The following RAB5C variants were observed in gnomAD, a reference collection of about 807,000 sequenced individuals.
The protein encoded by RAB5C is ras-related protein Rab-5C.
RAB5C carries 4 observed loss-of-function variants against 25.2 expected under a neutral mutation model. That is an observed-to-expected ratio of 0.16 (90% CI 0.08 to 0.36). RAB5C has a LOEUF of 0.36. Among genes scored for constraint, RAB5C ranks in the 10% least tolerant of loss-of-function variants. The probability of loss-of-function intolerance (pLI) is 1.00; values close to 1 mark genes in which losing one functional copy is unlikely to be tolerated. For synonymous variants in RAB5C, 100 were observed against 106.4 expected (o/e 0.94, Z 0.37); for missense variants, 199 against 283.8 (o/e 0.70, Z 2.15).
chr17:42,136,339 ACAG>A (rs2054536112), intron 1 of RAB5C: 1 of 152,252 alleles, frequency 6.6e-6, no homozygotes, highest in Admixed American at 6.5e-5. Flanking sequence ...GGACAGACTC[ACAG>A]CAGGACTATC....
At position 42,154,951 on chromosome 17, in the gene RAB5C, T is replaced by C. The variant is rs999852838; in HGVS notation, c.-147A>G. 1.3e-5 allele frequency: 2 copies of C among 152,252 alleles called. No individual in the cohort carries two copies. The highest frequency in any genetic ancestry group is 6.5e-5 in the Admixed American group (1 of 15,276). The allele number at this position is 152,252 out of a possible 1,614,324, so 9.4% of individuals were successfully genotyped here. On this transcript the variant is annotated 5_prime_UTR_variant, in exon 1 of 6. Transcript: ENST00000346213. The stretch of plus-strand genomic sequence containing the variant: ...GGGGCTCGGACGGGATCCGCTTCTC[T>C]CCCCGCCGGCGGTGTCCCAGGCTCC...
chr17:42,128,227 T>C, intron 4 of RAB5C, 34 bp downstream of exon 4: 2 of 1,604,946 alleles, frequency 1.2e-6, no homozygotes, highest in Non-Finnish European at 1.7e-6. Context: ...AGCTGCTTAC[T>C]CCACTCCTTC....
chr17:42,128,131 G>A (rs924766444), intron 4 of RAB5C, 130 bp downstream of exon 4: 46 of 1,341,422 alleles, frequency 3.4e-5, no homozygotes, highest in African/African-American at 1.0e-4. Context: ...CCTGAGGCAC[G>A]AGAGGACAGC....
rs371083614 is a variant in RAB5C at position 42,128,638 on chromosome 17, G to A, written c.318+11C>T. On this transcript the variant is annotated intron_variant, in intron 3 of 5. Transcript: ENST00000346213. ...TGAAGGGCAAAGGAAGAAGCAAGGG[G>A]AAATCTTTACTGTGTTGGTGATGTC... The A allele has an allele frequency of 7.5e-6, 11 of 1,462,488 alleles. No homozygotes were observed. The highest frequency in any genetic ancestry group is 9.0e-6 in the Non-Finnish European group (10 of 1,105,514). 90.6% of individuals were successfully genotyped at this position (1,462,488 alleles called of 1,614,324 possible). A position where few individuals can be genotyped will look rare whatever the true frequency, so the allele number is the denominator to read the frequency against.
At chr17:42,135,371 T>G (rs1483234780) in intron 1 of RAB5C, among the ~76,000 whole-genome samples, 2 of 151,950 alleles carry the variant, frequency 1.3e-5, no homozygotes, top group Non-Finnish European at 2.9e-5. Context: ...GATCCTTCTA[T>G]TTCAGCCTCC....
At chr17:42,134,011 G>C (rs1434010592) in intron 1 of RAB5C, among the ~76,000 whole-genome samples, 1 of 152,258 alleles carries the variant, frequency 6.6e-6, no homozygotes, top group African/African-American at 2.4e-5. Context: ...CTGTTGCCTA[G>C]TGGTTTGCCT....
intron 1 of RAB5C, among the ~76,000 whole-genome samples, chr17:42,144,540 G>T (rs1053443242): frequency 4.6e-5 from 7 of 152,038 alleles, no homozygotes; most frequent in Non-Finnish European, 8.8e-5. Context: ...TCAGCTGGGC[G>T]CGGTGGCTCA....
intron 1 of RAB5C, among the ~76,000 whole-genome samples, chr17:42,152,495 C>T (rs1325750431): frequency 6.6e-6 from 1 of 152,118 alleles, no homozygotes; most frequent in East Asian, 1.9e-4. Flanking sequence ...AAAGTCGTTT[C>T]AGGTTGGGTG....
At chr17:42,138,756 G>C (rs1434255760) in intron 1 of RAB5C, among the ~76,000 whole-genome samples, 1 of 152,198 alleles carries the variant, frequency 6.6e-6, no homozygotes, top group Non-Finnish European at 1.5e-5. Context: ...AGTGTGCAGA[G>C]GCATCAAGAG....
At chr17:42,131,455 A>G (rs116071197) in intron 1 of RAB5C, among the ~76,000 whole-genome samples, 1 of 151,310 alleles carries the variant, frequency 6.6e-6, no homozygotes, top group African/African-American at 2.4e-5. Flanking sequence ...CACACACACA[A>G]AAACACATGC....
chr17:42,131,601 A>G (rs1369745563), intron 1 of RAB5C: 1 of 1,533,520 alleles, frequency 6.5e-7, no homozygotes. Flanking sequence ...CTTTTTCAAT[A>G]GAGACCTCAG....
intron 1 of RAB5C, among the ~76,000 whole-genome samples, chr17:42,139,682 G>A (rs1014601214): frequency 2.6e-5 from 4 of 152,116 alleles, no homozygotes; most frequent in African/African-American, 9.7e-5. Context: ...GGATGGTCTC[G>A]ATTTCCTGAC....
At chr17:42,129,801 G>A (rs2054466717) in intron 2 of RAB5C, among the ~76,000 whole-genome samples, 1 of 152,250 alleles carries the variant, frequency 6.6e-6, no homozygotes, top group Non-Finnish European at 1.5e-5. Flanking sequence ...GTGTGTGTTA[G>A]CCACGGAGGC....
intron 1 of RAB5C, among the ~76,000 whole-genome samples, chr17:42,134,454 G>C (rs1304618798): frequency 2.6e-5 from 4 of 152,174 alleles, no homozygotes; most frequent in Non-Finnish European, 4.4e-5. Flanking sequence ...GTACACGCCT[G>C]TAATCCCAGC....
intron 1 of RAB5C, among the ~76,000 whole-genome samples, chr17:42,148,313 G>A (rs537156368): frequency 6.8e-6 from 1 of 148,100 alleles, no homozygotes; most frequent in Non-Finnish European, 1.5e-5. Flanking sequence ...GCTGAAGCAG[G>A]AGAATCACTT....
chr17:42,138,379 A>G (rs1229749310), intron 1 of RAB5C, among the ~76,000 whole-genome samples: 2 of 152,162 alleles, frequency 1.3e-5, no homozygotes, highest in Non-Finnish European at 2.9e-5. Context: ...CCGAATCCCA[A>G]TGGGGGGTGT....
intron 1 of RAB5C, among the ~76,000 whole-genome samples, chr17:42,139,378 G>T (rs989477723): frequency 6.6e-6 from 1 of 152,252 alleles, no homozygotes; most frequent in East Asian, 1.9e-4. Flanking sequence ...CACCAGGGGG[G>T]CCAGGCCCTA....
chr17:42,150,229 G>C (rs1479420366), intron 1 of RAB5C, among the ~76,000 whole-genome samples: 1 of 151,856 alleles, frequency 6.6e-6, no homozygotes, highest in Non-Finnish European at 1.5e-5. Context: ...TCCTCCCAAA[G>C]TGCTAGGATT....
chr17:42,146,444 C>T (rs755594168), intron 1 of RAB5C, among the ~76,000 whole-genome samples: 7 of 152,054 alleles, frequency 4.6e-5, no homozygotes, highest in Non-Finnish European at 1.0e-4. Flanking sequence ...AGGGAGACCC[C>T]GTCTCTACAA....
Sources: allele counts gnomAD v4.1 joint callset (sites outside exome capture counted in the v4.1 genomes callset), GRCh38; gene constraint gnomAD v4.1.1; transcripts MANE v1.5; gene names NCBI Gene and HGNC (gene_info 2026-07-23, HGNC 2026-07-21).